Variants in PGM2L1 observed in about 807,000 individuals in gnomAD.
PGM2L1 encodes phosphoglucomutase 2 like 1.
PGM2L1 carries 35 observed loss-of-function variants against 73.4 expected under a neutral mutation model. That is an observed-to-expected ratio of 0.48 (90% CI 0.36 to 0.63). PGM2L1 has a LOEUF of 0.63. Ranked by LOEUF, PGM2L1 falls within the 30% of genes least tolerant of loss-of-function variation. The probability of loss-of-function intolerance (pLI) is 0.00; values close to 1 mark genes in which losing one functional copy is unlikely to be tolerated. For synonymous variants in PGM2L1, 225 were observed against 253.8 expected, an observed-to-expected ratio of 0.89 and a Z score of 1.08; for missense variants, 570 against 742.0, an observed-to-expected ratio of 0.77 and a Z score of 2.69.
At position 74,331,753 on chromosome 11, in the gene PGM2L1, A is replaced by G. The variant is rs1862019458; in HGVS notation, c.*4899T>C. 6.6e-6 allele frequency: 1 copy of G among 152,168 alleles called. No homozygotes were observed. Among genetic ancestry groups the G allele is most frequent in the Admixed American group, 6.5e-5 (1 of 15,278 alleles). 9.4% of individuals were successfully genotyped at this position (152,168 alleles called of 1,614,324 possible). A position where few individuals can be genotyped will look rare whatever the true frequency, so the allele number is the denominator to read the frequency against. On this transcript the variant is annotated 3_prime_UTR_variant, in exon 14 of 14. Transcript: ENST00000298198. The stretch of plus-strand genomic sequence containing the variant: ...AAAGTTTTATTATAAAGAATGCAAA[A>G]TTCACTTACATTTTAAAGACAGAAC...
rs145422726 is a variant in PGM2L1 at position 74,393,266 on chromosome 11, A to C, written c.111+4785T>G. Among the ~76,000 whole-genome samples, 8 of 152,354 alleles carry C rather than the reference A, an allele frequency of 5.3e-5. No individual in the cohort carries two copies. In the East Asian group the frequency reaches 1.5e-3, roughly 29 times the overall value. On this transcript the variant is annotated intron_variant, in intron 1 of 13. Coordinates refer to ENST00000298198, the MANE Select transcript of PGM2L1 (RefSeq NM_173582.6). ...TAGAAAAATGTGAACAAAAAATGTT[A>C]TATAAACTAGTATTATAAAAATTGG...
chr11:74,347,030 T>A, intron 7 of PGM2L1, 118 bp downstream of exon 7: 2 of 1,011,562 alleles, frequency 2.0e-6, no homozygotes, highest in Non-Finnish European at 2.8e-6. Context: ...CCAATACAAT[T>A]AAAAGATGTA....
chr11:74,355,779 G>A (rs954948327), intron 5 of PGM2L1: 1 of 462,406 alleles, frequency 2.2e-6, no homozygotes, highest in Non-Finnish European at 4.3e-6. Context: ...AAGTGACAGG[G>A]AAGCTATAGG....
intron 9 of PGM2L1, among the ~76,000 whole-genome samples, chr11:74,344,253 T>C (rs12364246): frequency 0.37 from 56,771 of 151,924 alleles, 12,605 homozygotes; most frequent in East Asian, 0.52. Flanking sequence ...AGAGTGCCTA[T>C]GAAAGTTGGT....
intron 6 of PGM2L1, among the ~76,000 whole-genome samples, chr11:74,350,652 G>A (rs551285678): frequency 9.1e-4 from 138 of 152,170 alleles, no homozygotes; most frequent in African/African-American, 2.8e-3. Flanking sequence ...TGAGGCAGGC[G>A]GATCACCAGA....
chr11:74,391,766 G>A (rs567361134), intron 1 of PGM2L1, among the ~76,000 whole-genome samples: 1 of 152,206 alleles, frequency 6.6e-6, no homozygotes, highest in South Asian at 2.1e-4. Flanking sequence ...TTTAGCCGCT[G>A]GTACCCAACA....
At chr11:74,389,947 C>CAA (rs71065078) in intron 1 of PGM2L1, among the ~76,000 whole-genome samples, 30 of 38,580 alleles carry the variant, frequency 7.8e-4, no homozygotes, top group African/African-American at 2.1e-3. Flanking sequence ...ACTAAAAATA[C>CAA]AAAAAAAAAA....
chr11:74,350,108 G>A (rs1312885236), intron 6 of PGM2L1, among the ~76,000 whole-genome samples: 1 of 152,100 alleles, frequency 6.6e-6, no homozygotes, highest in Non-Finnish European at 1.5e-5. Context: ...AGACAGAAAG[G>A]ATAAAAAAGG....
intron 6 of PGM2L1, 71 bp downstream of exon 6, chr11:74,351,312 A>G: frequency 7.2e-7 from 1 of 1,384,000 alleles, no homozygotes; most frequent in Non-Finnish European, 9.9e-7. Context: ...AACACTTTTT[A>G]TCACTTTTTA....
chr11:74,362,690 T>G (rs1003419899), intron 5 of PGM2L1, among the ~76,000 whole-genome samples: 2 of 152,032 alleles, frequency 1.3e-5, no homozygotes, highest in Admixed American at 6.6e-5. Flanking sequence ...AATAAAGGGA[T>G]GGAGGAAGAT....
chr11:74,351,421 C>T lies in PGM2L1; in HGVS notation c.711G>A (p.Arg237=), dbSNP rs764185711. The T allele has an allele frequency of 1.2e-6, 2 of 1,613,664 alleles. No homozygotes were observed. Among genetic ancestry groups the T allele is most frequent in the Admixed American group, 1.7e-5 (1 of 59,900 alleles). The change falls in exon 6 of 14, where the codon AGG becomes AGA. Residue 237 remains arginine, a synonymous_variant. Coordinates refer to ENST00000298198, the MANE Select transcript of PGM2L1 (RefSeq NM_173582.6). ...LKRDPLQDIC[R]RYMEDLKKIC... ...TCTTTTTCAGATCTTCCATGTATCT[C>T]CTGCAAATGTCCTGCAGAGGGTCTC... is the stretch of plus-strand genomic sequence containing the variant.
intron 1 of PGM2L1, among the ~76,000 whole-genome samples, chr11:74,386,609 G>C (rs1459586942): frequency 6.6e-6 from 1 of 151,876 alleles, no homozygotes; most frequent in Non-Finnish European, 1.5e-5. Flanking sequence ...CCAAGTAGCT[G>C]AGACTATAGG....
chr11:74,361,666 T>G (rs993680383), intron 5 of PGM2L1, among the ~76,000 whole-genome samples: 9 of 152,142 alleles, frequency 5.9e-5, no homozygotes, highest in African/African-American at 2.2e-4. Flanking sequence ...ATTAGACGAC[T>G]GGCTAACTAG....
intron 1 of PGM2L1, among the ~76,000 whole-genome samples, chr11:74,379,871 G>A (rs954507922): frequency 5.9e-5 from 9 of 151,990 alleles, no homozygotes; most frequent in African/African-American, 9.7e-5. Flanking sequence ...GTTAGAGTGA[G>A]CCGAGATCAT....
Position 74,389,750 on chromosome 11 carries a change from G to A in PGM2L1, c.111+8301C>T, listed in dbSNP as rs183885004. Among the ~76,000 whole-genome samples the A allele has an allele frequency of 4.7e-5, 7 of 150,402 alleles. 1 individual carries two copies. Among genetic ancestry groups the A allele is most frequent in the Admixed American group, 4.0e-4 (6 of 15,164 alleles). On this transcript the variant is annotated intron_variant, in intron 1 of 13. Transcript: ENST00000298198. ...CAGACGTGAGCCACTGCGCCCGACCGGGAAAATAATTTTAGATCAAAGACA... is the reference window on the plus strand; with the variant it reads ...CAGACGTGAGCCACTGCGCCCGACCAGGAAAATAATTTTAGATCAAAGACA...
Position 74,374,477 on chromosome 11 carries a change from G to A in PGM2L1, c.217C>T (p.Arg73Cys), listed in dbSNP as rs865915174. ...CRMTFGTAGL[R>C]SAMGAGFCYI... Reference sequence around the variant, plus strand: ...CAAAACCCTGCCCCCATGGCAGAACGAAGTCCTGCAGTCCCAAAAGTCATT... The same window carrying A: ...CAAAACCCTGCCCCCATGGCAGAACAAAGTCCTGCAGTCCCAAAAGTCATT... The change falls in exon 2 of 14, where the codon CGT becomes TGT. Residue 73 changes from arginine to cysteine, a missense_variant. Physicochemically the swap from Arg to Cys is radical, Grantham distance 180. Coordinates refer to ENST00000298198, the MANE Select transcript of PGM2L1 (RefSeq NM_173582.6). The A allele has an allele frequency of 1.2e-6, 2 of 1,613,952 alleles. No homozygotes were observed. The highest frequency in any genetic ancestry group is 1.3e-5 in the African/African-American group (1 of 75,052).
Position 74,392,365 on chromosome 11 carries a change from A to G in PGM2L1, c.111+5686T>C, listed in dbSNP as rs563183598. ...AGTATAAAGAAAAAAATGAATTTGA[A>G]TTCTAAAAAGAAAAATTCAAATATT... On this transcript the variant is annotated intron_variant, in intron 1 of 13. Coordinates refer to ENST00000298198, the MANE Select transcript of PGM2L1 (RefSeq NM_173582.6). Among the ~76,000 whole-genome samples the G allele has an allele frequency of 5.3e-5, 8 of 152,262 alleles. No individual in the cohort carries two copies. The East Asian group carries it at 1.5e-3, about 29-fold the overall frequency.
chr11:74,395,549 C>CTTTTTTTTTTTTTTTTTTTTTTTT (rs60883108), intron 1 of PGM2L1, among the ~76,000 whole-genome samples: 1 of 64,918 alleles, frequency 1.5e-5, no homozygotes, highest in Non-Finnish European at 2.5e-5. Flanking sequence ...CCTCGCCTGG[C>CTTTTTTTTTTTTTTTTTTTTTTTT]TTTTTTTTTT....
In PGM2L1 at chr11:74,398,309, T is replaced by C; in HGVS notation, c.-148A>G. 1 of 1,224,232 alleles carries C rather than the reference T, an allele frequency of 8.2e-7. No homozygotes were observed. The highest frequency in any genetic ancestry group is 2.0e-5 in the South Asian group (1 of 49,466). The allele number at this position is 1,224,232 out of a possible 1,614,324, so 75.8% of individuals were successfully genotyped here. On this transcript the variant is annotated 5_prime_UTR_variant, in exon 1 of 14. Coordinates refer to ENST00000298198, the MANE Select transcript of PGM2L1 (RefSeq NM_173582.6). The stretch of plus-strand genomic sequence containing the variant: ...ACCGCAGGGTGTTCGTAACAGCTCC[T>C]GCCGCGGCGTCAGGGAACCGGGAGA...
Sources: allele counts gnomAD v4.1 joint callset (sites outside exome capture counted in the v4.1 genomes callset), GRCh38; gene constraint gnomAD v4.1.1; transcripts MANE v1.5; gene names NCBI Gene and HGNC (gene_info 2026-07-23, HGNC 2026-07-21).